The following PDE5A variants were observed in gnomAD, a reference collection of about 807,000 sequenced individuals.
PDE5A encodes cGMP-specific 3',5'-cyclic phosphodiesterase.
PDE5A carries 67 observed loss-of-function variants against 110.2 expected under a neutral mutation model. The ratio of observed to expected loss-of-function variants is 0.61; its 90% CI spans 0.50 to 0.75. PDE5A has a LOEUF of 0.75. PDE5A is among the 30% of genes least tolerant of loss of function. PDE5A has a pLI of 0.00. For synonymous variants in PDE5A, 328 were observed against 351.2 expected (o/e 0.93, Z 0.74); for missense variants, 862 against 1,045.1 (o/e 0.82, Z 2.42).
In PDE5A at chr4:119,553,745, C is replaced by A; in HGVS notation, c.1201G>T (p.Glu401Ter). 2 of 1,524,704 alleles carry A rather than the reference C, an allele frequency of 1.3e-6. No individual in the cohort carries two copies. Among genetic ancestry groups the A allele is most frequent in the South Asian group, 2.2e-5 (2 of 88,936 alleles). The allele number at this position is 1,524,704 out of a possible 1,614,324, so 94.4% of individuals were successfully genotyped here. The change falls in exon 8 of 21, where the codon GAA (glutamate) becomes TAA (stop). Residue 401 changes from glutamate (E) to a stop codon, truncating the protein, a stop_gained and splice_region_variant. Transcript: ENST00000354960. LOFTEE classifies it high-confidence loss of function. ...TAATTGATTTTGTTTGCATCATGTT[C>A]CCTGTGAAAATAACAGATATGAGTT... is the stretch of plus-strand genomic sequence containing the variant. Reference protein sequence around the residue: ...LEKSSDTLTREHDANKINYMY... With the variant: ...LEKSSDTLTR
At chr4:119,533,051 T>G (rs966004864) in intron 11 of PDE5A, among the ~76,000 whole-genome samples, 9 of 152,170 alleles carry the variant, frequency 5.9e-5, no homozygotes, top group Admixed American at 5.9e-4. Context: ...AACTTGGTCT[T>G]TCATAAAATG....
At chr4:119,536,955 AC>A (rs1454542688) in intron 11 of PDE5A, among the ~76,000 whole-genome samples, 1 of 152,192 alleles carries the variant, frequency 6.6e-6, no homozygotes, top group Non-Finnish European at 1.5e-5. Context: ...GTTGACTTAC[AC>A]AAAGAACTTA....
intron 16 of PDE5A, among the ~76,000 whole-genome samples, chr4:119,506,837 T>C (rs925136633): frequency 3.3e-5 from 5 of 151,862 alleles, no homozygotes; most frequent in Admixed American, 2.6e-4. Context: ...ATCTGGCAGA[T>C]GTTTTTGTGT....
intron 9 of PDE5A, among the ~76,000 whole-genome samples, chr4:119,550,658 G>C (rs191214240): frequency 1.6e-3 from 240 of 152,316 alleles, no homozygotes; most frequent in African/African-American, 5.5e-3. Context: ...AAGTGAAGAT[G>C]TGACTTGATG....
intron 17 of PDE5A, 95 bp from the exon 18 acceptor site, chr4:119,504,694 T>G: frequency 1.1e-6 from 1 of 911,042 alleles, no homozygotes; most frequent in Non-Finnish European, 1.7e-6. Context: ...GTTAAAACCC[T>G]CTAAACAATG....
In PDE5A at chr4:119,528,438, ATGAGCT is replaced by A. The variant is rs1036734095; in HGVS notation, c.1633-2749_1633-2744del. Reference sequence around the variant, plus strand: ...AATTGTTCTAAATACCATCTAACTGATGAGCTAAATAGTAAACTGATGTGCAGCTGA... The same window carrying A: ...AATTGTTCTAAATACCATCTAACTGAAAATAGTAAACTGATGTGCAGCTGA... On this transcript the variant is annotated intron_variant, in intron 11 of 20. Transcript: ENST00000354960. Among the ~76,000 whole-genome samples, 9 of 140,406 alleles carry A rather than the reference ATGAGCT, an allele frequency of 6.4e-5. No homozygotes were observed. The East Asian group carries it at 2.1e-3, about 32-fold the overall frequency. The allele number at this position is 140,406 out of a possible 152,430, so 92.1% of individuals were successfully genotyped here.
intron 1 of PDE5A, among the ~76,000 whole-genome samples, chr4:119,623,696 T>A (rs1730241312): frequency 6.6e-6 from 1 of 152,156 alleles, no homozygotes; most frequent in Non-Finnish European, 1.5e-5. Context: ...CATAGCATAA[T>A]CAAAATACTA....
chr4:119,587,233 T>G (rs1728794459), intron 3 of PDE5A, among the ~76,000 whole-genome samples: 2 of 151,566 alleles, frequency 1.3e-5, no homozygotes, highest in South Asian at 4.2e-4. Context: ...TTTCCTTTTT[T>G]TTTTTTTTTT....
chr4:119,587,227 CTTT>C (rs35539932), intron 3 of PDE5A, among the ~76,000 whole-genome samples: 15 of 134,072 alleles, frequency 1.1e-4, no homozygotes, highest in African/African-American at 1.6e-4. Flanking sequence ...GTAACTTTTC[CTTT>C]TTTTTTTTTT....
At chr4:119,620,085 C>T (rs1401826445) in intron 1 of PDE5A, among the ~76,000 whole-genome samples, 1 of 152,222 alleles carries the variant, frequency 6.6e-6, no homozygotes, top group Non-Finnish European at 1.5e-5. Flanking sequence ...ATGCACTAGA[C>T]AGCCTCTAAC....
Position 119,525,689 on chromosome 4 carries a change from C to G in PDE5A, c.1639G>C (p.Val547Leu), listed in dbSNP as rs925996484. The G allele has an allele frequency of 6.2e-7, 1 of 1,604,698 alleles. No individual in the cohort carries two copies. The highest frequency in any genetic ancestry group is 8.5e-7 in the Non-Finnish European group (1 of 1,177,142). The change falls in exon 12 of 21, where the codon GTG (valine) becomes CTG (leucine). Residue 547 changes from valine to leucine, a missense_variant. Val to Leu is a conservative substitution (Grantham distance 32, BLOSUM62 1). Coordinates refer to ENST00000354960, the MANE Select transcript of PDE5A (RefSeq NM_001083.4). This position sits in a 1 kb window ranked among gnomAD's most constrained non-coding sequence, Gnocchi z 4.3. The part of the protein sequence containing the change: ...TRELQSLAAA[V>L]VPSAQTLKIT... ...TTAAGGGTCTGGGCAGATGGCACCA[C>G]AGCAGCCTTGGGTAAGGAAAGAAGA... is the stretch of plus-strand genomic sequence containing the variant.
At chr4:119,506,032 C>T in intron 16 of PDE5A, 100 bp from the exon 17 acceptor site, 1 of 560,114 alleles carries the variant, frequency 1.8e-6, no homozygotes, top group East Asian at 3.3e-5. Context: ...TGAAAAAAAA[C>T]CTCTGATTTT....
chr4:119,566,449 T>C (rs530684071), intron 4 of PDE5A, among the ~76,000 whole-genome samples: 1 of 152,322 alleles, frequency 6.6e-6, no homozygotes, highest in South Asian at 2.1e-4. Context: ...ACTCATAGAA[T>C]GAATTTATCG....
At chr4:119,593,841 C>T (rs534374222) in intron 3 of PDE5A, among the ~76,000 whole-genome samples, 2 of 152,188 alleles carry the variant, frequency 1.3e-5, no homozygotes, top group South Asian at 4.1e-4. Context: ...GGGGAGTCCC[C>T]AGGAAACTTA....
At chr4:119,579,092 T>C (rs1037561542) in intron 3 of PDE5A, among the ~76,000 whole-genome samples, 1 of 152,042 alleles carries the variant, frequency 6.6e-6, no homozygotes, top group Non-Finnish European at 1.5e-5. Flanking sequence ...GAAAAAATGC[T>C]CATCATCACT....
intron 9 of PDE5A, among the ~76,000 whole-genome samples, chr4:119,547,667 T>C: frequency 6.6e-6 from 1 of 152,200 alleles, no homozygotes; most frequent in East Asian, 1.9e-4. Context: ...TAAAATGCTG[T>C]AATTTAATTA....
chr4:119,535,203 G>A (rs1194011018), intron 11 of PDE5A, among the ~76,000 whole-genome samples: 1 of 152,056 alleles, frequency 6.6e-6, no homozygotes, highest in Non-Finnish European at 1.5e-5. Flanking sequence ...GACAAGCTGG[G>A]GCTGCAGGCA....
At chr4:119,533,710 G>A (rs547579421) in intron 11 of PDE5A, among the ~76,000 whole-genome samples, 79 of 152,150 alleles carry the variant, frequency 5.2e-4, no homozygotes, top group Non-Finnish European at 7.4e-4. Context: ...AAGAGGCACC[G>A]ACTATAGAAA....
rs1305019938 is a variant in PDE5A, at chr4:119,627,425, C to G, written c.152+1095G>C. ...GTGGGACCCGGGCGTCGAACCCGGG[C>G]GGGCTCCTCGACCATCACTGCCGGG... On this transcript the variant is annotated intron_variant, in intron 1 of 20. Coordinates refer to ENST00000354960, the MANE Select transcript of PDE5A (RefSeq NM_001083.4). This position sits in a 1 kb window ranked among gnomAD's most constrained non-coding sequence, Gnocchi z 4.6. 1 of 404,506 alleles carries G rather than the reference C, an allele frequency of 2.5e-6. No homozygotes were observed. Among genetic ancestry groups the G allele is most frequent in the Middle Eastern group, 1.2e-3 (1 of 824 alleles). The allele number at this position is 404,506 out of a possible 1,614,324, so 25.1% of individuals were successfully genotyped here.
Sources: allele counts gnomAD v4.1 joint callset (sites outside exome capture counted in the v4.1 genomes callset), GRCh38; gene constraint gnomAD v4.1.1; non-coding constraint Gnocchi (gnomAD v3.1); transcripts MANE v1.5; gene names NCBI Gene and HGNC (gene_info 2026-07-23, HGNC 2026-07-21).